RBM41: variants seen among roughly 807,000 people sequenced by gnomAD.
RBM41 encodes RNA binding motif protein 41.
A neutral mutation model predicts 30.8 loss-of-function variants in RBM41; 14 were observed. That is an observed-to-expected ratio of 0.45 (90% CI 0.30 to 0.71). RBM41 has a LOEUF of 0.71. Among genes scored for constraint, RBM41 ranks in the 30% least tolerant of loss-of-function variants. RBM41 has a pLI of 0.08. For synonymous variants in RBM41, 120 were observed against 110.1 expected, an observed-to-expected ratio of 1.09 and a Z score of -0.56; for missense variants, 276 against 326.3, an observed-to-expected ratio of 0.85 and a Z score of 1.19.
rs1393296573 is a variant in RBM41 at position 107,088,635 on chromosome X, G to T, written c.800C>A (p.Ala267Glu). 1 of 1,209,252 alleles carries T rather than the reference G, an allele frequency of 8.3e-7. No individual in the cohort carries two copies. The highest frequency in any genetic ancestry group is 1.1e-6 in the Non-Finnish European group (1 of 894,939). ...PSLLQDKGKQ[A>E]AQGKGPSLHV... ...GAGACTGGGGCCTTTACCCTGTGCT[G>T]CCTGTTTTCCCTTGTCCTGGAGTAA... The change falls in exon 6 of 8, where the codon GCA (alanine) becomes GAA (glutamate). Residue 267 changes from alanine (A) to glutamate (E), a missense_variant. Transcript: ENST00000685964.
Position 107,062,904 on chromosome X carries a change from G to T in RBM41, c.*4623C>A, listed in dbSNP as rs972672303. Among the ~76,000 whole-genome samples the T allele has an allele frequency of 9.0e-6, 1 of 111,367 alleles. No homozygotes were observed. The highest frequency in any genetic ancestry group is 3.3e-5 in the African/African-American group (1 of 30,630). On this transcript the variant is annotated 3_prime_UTR_variant, in exon 8 of 8. Transcript: ENST00000685964. ...TTTATTAACTTAATACACAACCTTG[G>T]ACATGAGTATAGGTCATAATATATT...
the RBM41 span, among the ~76,000 whole-genome samples, chrX:107,055,224 ATT>A: frequency 8.9e-6 from 1 of 112,626 alleles, no homozygotes. Flanking sequence ...TATATAACAC[ATT>A]TTGTTTCTCC....
chrX:107,055,988 A>G, the RBM41 span, among the ~76,000 whole-genome samples: 1 of 112,295 alleles, frequency 8.9e-6, no homozygotes, highest in Non-Finnish European at 1.9e-5. Flanking sequence ...CTTTTCCCCT[A>G]TGATCAGGTG....
chrX:107,118,230 C>A lies in RBM41; in HGVS notation c.8+536G>T, dbSNP rs183135455. Among the ~76,000 whole-genome samples the A allele has an allele frequency of 6.5e-3, 603 of 93,247 alleles. 5 individuals are homozygous for A. The highest frequency in any genetic ancestry group is 0.022 in the African/African-American group (567 of 25,445). 81.0% of individuals were successfully genotyped at this position (93,247 alleles called of 115,157 possible). A position where few individuals can be genotyped will look rare whatever the true frequency, so the allele number is the denominator to read the frequency against. On this transcript the variant is annotated intron_variant, in intron 1 of 7. Transcript: ENST00000685964. ...CCCTCCCCCCACCCCATAAATCGAA[C>A]CGCTTTGGTGCTGTCCTTCCACATT...
In RBM41 at chrX:107,064,172, C is replaced by T. The variant is rs1177813726; in HGVS notation, c.*3355G>A. Reference sequence around the variant, plus strand: ...TTCACCATGTTACCCAGAATGGTCTCGATCTCCTGACCCCATGATCTCCAC... The same window carrying T: ...TTCACCATGTTACCCAGAATGGTCTTGATCTCCTGACCCCATGATCTCCAC... On this transcript the variant is annotated 3_prime_UTR_variant, in exon 8 of 8. Transcript: ENST00000685964. 1.8e-5 allele frequency among the ~76,000 whole-genome samples: 2 copies of T among 109,657 alleles called. No homozygotes were observed. Among genetic ancestry groups the T allele is most frequent in the East Asian group, 2.9e-4 (1 of 3,505 alleles).
chrX:107,084,529 T>TC (rs1198982022), intron 6 of RBM41, among the ~76,000 whole-genome samples: 1 of 111,635 alleles, frequency 9.0e-6, no homozygotes, highest in Non-Finnish European at 1.9e-5. Context: ...GATTTTTTTT[T>TC]CTTCGGTCTT....
intron 5 of RBM41, among the ~76,000 whole-genome samples, chrX:107,110,675 C>T (rs1226178326): frequency 9.0e-6 from 1 of 111,336 alleles, no homozygotes; most frequent in Non-Finnish European, 1.9e-5. Flanking sequence ...AGTTCTCACA[C>T]TTCCTGATTT....
rs760580762 is a variant in RBM41, at chrX:107,076,195, T to C, written c.1000-6793A>G. Among the ~76,000 whole-genome samples the C allele has an allele frequency of 4.1e-3, 453 of 109,277 alleles. 2 individuals are homozygous for C. Among genetic ancestry groups the C allele is most frequent in the African/African-American group, 0.014 (431 of 30,094 alleles). 94.9% of individuals were successfully genotyped at this position (109,277 alleles called of 115,157 possible). A position where few individuals can be genotyped will look rare whatever the true frequency, so the allele number is the denominator to read the frequency against. ...AGCTGGGTGCGTTGGTGGGTGCCTGTAATCCCAGCTACATGGGAGGCTGTG... is the reference window on the plus strand; with the variant it reads ...AGCTGGGTGCGTTGGTGGGTGCCTGCAATCCCAGCTACATGGGAGGCTGTG... On this transcript the variant is annotated intron_variant, in intron 6 of 7. Transcript: ENST00000685964.
chrX:107,054,304 A>G, the RBM41 span, among the ~76,000 whole-genome samples: 3 of 111,508 alleles, frequency 2.7e-5, no homozygotes, highest in Non-Finnish European at 5.6e-5. Flanking sequence ...ACCCATAAAC[A>G]ATGAGGCCAA....
the RBM41 span, among the ~76,000 whole-genome samples, chrX:107,052,232 C>T: frequency 9.0e-6 from 1 of 111,338 alleles, no homozygotes; most frequent in Non-Finnish European, 1.9e-5. Context: ...GGTTTATATC[C>T]CGATCATTGT....
At chrX:107,098,059 C>A (rs1923135296) in intron 5 of RBM41, among the ~76,000 whole-genome samples, 1 of 111,404 alleles carries the variant, frequency 9.0e-6, no homozygotes, top group African/African-American at 3.3e-5. Flanking sequence ...AAATTATATA[C>A]CTCAATAAAG....
rs1922319797 is a variant in RBM41 at position 107,089,359 on chromosome X, T to TA, written c.596-521_596-520insT. Among the ~76,000 whole-genome samples the TA allele has an allele frequency of 3.6e-5, 4 of 112,247 alleles. No individual in the cohort carries two copies. The South Asian group carries it at 1.5e-3, about 42-fold the overall frequency. Reference sequence around the variant, plus strand: ...GATTAAATAAACTACATTTGTTCTATGAACAAATGAATTTGATTAATCATT... The same window carrying TA: ...GATTAAATAAACTACATTTGTTCTATAGAACAAATGAATTTGATTAATCATT... On this transcript the variant is annotated intron_variant, in intron 5 of 7. Coordinates refer to ENST00000685964, the MANE Select transcript of RBM41 (RefSeq NM_001324242.2).
intron 6 of RBM41, among the ~76,000 whole-genome samples, chrX:107,076,497 T>C (rs1165836048): frequency 1.8e-5 from 2 of 110,712 alleles, no homozygotes; most frequent in African/African-American, 6.6e-5. Flanking sequence ...ATTGCATGAT[T>C]CCACTTACTG....
At chrX:107,077,097 T>C (rs1921011189) in intron 6 of RBM41, among the ~76,000 whole-genome samples, 1 of 111,663 alleles carries the variant, frequency 9.0e-6, no homozygotes, top group South Asian at 3.8e-4. Flanking sequence ...GAGTTTCTCA[T>C]CCATTAGGGA....
chrX:107,096,575 T>C (rs947361610), intron 5 of RBM41, among the ~76,000 whole-genome samples: 2 of 111,896 alleles, frequency 1.8e-5, no homozygotes, highest in African/African-American at 6.5e-5. Context: ...TTGGACCCTT[T>C]ACTTCACACA....
intron 4 of RBM41, chrX:107,114,669 T>G (rs915160207): frequency 3.6e-5 from 4 of 111,284 alleles, no homozygotes; most frequent in African/African-American, 1.3e-4. Context: ...ACTTAACAAA[T>G]GTATCTAGTA....
Position 107,065,769 on chromosome X carries a change from C to T in RBM41, c.*1758G>A. The stretch of plus-strand genomic sequence containing the variant: ...CTCAGCTTCTTCAACCTGTTATCGG[C>T]AAATATATTATATTTTATACGTTAT... On this transcript the variant is annotated 3_prime_UTR_variant, in exon 8 of 8. Transcript: ENST00000685964. 8.7e-7 allele frequency: 1 copy of T among 1,151,541 alleles called. No individual in the cohort carries two copies. Among genetic ancestry groups the T allele is most frequent in the Non-Finnish European group, 1.2e-6 (1 of 864,846 alleles). The allele number at this position is 1,151,541 out of a possible 1,213,427, so 94.9% of individuals were successfully genotyped here. A position where few individuals can be genotyped will look rare whatever the true frequency, so the allele number is the denominator to read the frequency against.
chrX:107,113,191 T>C (rs1268698303), intron 5 of RBM41, among the ~76,000 whole-genome samples: 1 of 111,572 alleles, frequency 9.0e-6, no homozygotes, highest in East Asian at 2.8e-4. Flanking sequence ...TTTAAATGTA[T>C]AGAGAAAAAA....
In RBM41 at chrX:107,113,390, G is replaced by C. The variant is rs1402430534; in HGVS notation, c.595+7C>G. Reference sequence around the variant, plus strand: ...AGTCTAACACTATAAGAAAACTCTCGACTTGCCTTTTGTGCCTAATTTTAT... The same window carrying C: ...AGTCTAACACTATAAGAAAACTCTCCACTTGCCTTTTGTGCCTAATTTTAT... On this transcript the variant is annotated splice_region_variant and intron_variant, in intron 5 of 7. Transcript: ENST00000685964. The C allele has an allele frequency of 1.0e-6, 1 of 982,202 alleles. No individual in the cohort carries two copies. Among genetic ancestry groups the C allele is most frequent in the African/African-American group, 2.0e-5 (1 of 50,544 alleles). 80.9% of individuals were successfully genotyped at this position (982,202 alleles called of 1,213,427 possible).
Sources: gnomAD v4.1 joint callset for allele counts (sites outside exome capture counted in the v4.1 genomes callset) on GRCh38, gnomAD v4.1.1 for gene constraint, MANE v1.5 for transcripts, NCBI Gene and HGNC (gene_info 2026-07-23, HGNC 2026-07-21) for gene names.